Variants in PCDHA7 observed in about 807,000 individuals in gnomAD.
The protein encoded by PCDHA7 is protocadherin alpha-7.
Under a neutral mutation model 57.2 loss-of-function variants are expected in PCDHA7, and 37 were observed. The ratio of observed to expected loss-of-function variants is 0.65; its 90% confidence interval spans 0.50 to 0.85. The LOEUF (loss-of-function observed/expected upper bound fraction) is 0.85. Ranked by LOEUF, PCDHA7 falls within the 40% of genes least tolerant of loss-of-function variation. The probability of loss-of-function intolerance (pLI) is 0.00; values close to 1 mark genes in which losing one functional copy is unlikely to be tolerated. For synonymous variants in PCDHA7, 553 were observed against 558.8 expected (o/e 0.99, Z 0.15); for missense variants, 1,188 against 1,241.8 (o/e 0.96, Z 0.65).
chr5:140,988,862 T>G (rs1554250483), intron 3 of PCDHA7: 2 of 152,218 alleles, frequency 1.3e-5, no homozygotes, highest in Non-Finnish European at 1.5e-5. Flanking sequence ...CAGTCTCATG[T>G]GCACTCAGAT....
chr5:140,882,336 C>T, intron 1 of PCDHA7: 1 of 1,614,162 alleles, frequency 6.2e-7, no homozygotes, highest in Non-Finnish European at 8.5e-7. Flanking sequence ...ATCCTCGCAG[C>T]CTGGGAGACG....
At chr5:140,911,283 A>G (rs906069835) in intron 1 of PCDHA7, among the ~76,000 whole-genome samples, 1 of 152,278 alleles carries the variant, frequency 6.6e-6, no homozygotes, top group Non-Finnish European at 1.5e-5. Context: ...CAGCTTCATC[A>G]GGGTCCTTTT....
chr5:140,882,288 G>C (rs1554173426), intron 1 of PCDHA7: 2 of 1,613,210 alleles, frequency 1.2e-6, no homozygotes, highest in East Asian at 2.2e-5. Flanking sequence ...TCCTGGCAAG[G>C]AGGCCCAAGA....
rs183786609 is a variant in PCDHA7, at chr5:140,896,576, C to T, written c.2355+59838C>T. ...ATTTTAAGTAGAGATGGGGTTTTGA[C>T]GTGTTGGCCAGGCTGGTCTCGAACT... On this transcript the variant is annotated intron_variant, in intron 1 of 3. Transcript: ENST00000525929. Among the ~76,000 whole-genome samples the T allele has an allele frequency of 3.4e-4, 51 of 151,254 alleles. No individual in the cohort carries two copies. The East Asian group carries it at 4.9e-3, about 14-fold the overall frequency.
At chr5:140,941,198 TCTTC>T (rs202127003) in intron 1 of PCDHA7, among the ~76,000 whole-genome samples, 9,614 of 119,776 alleles carry the variant, frequency 0.08, 511 homozygotes, top group Non-Finnish European at 0.089. Context: ...TTTTTTTCTT[TCTTC>T]CTTTCTTTCT....
chr5:140,839,494 A>T (rs1776252585), intron 1 of PCDHA7, among the ~76,000 whole-genome samples: 1 of 151,886 alleles, frequency 6.6e-6, no homozygotes, highest in Non-Finnish European at 1.5e-5. Flanking sequence ...GGCTCAAGTG[A>T]TCTTCCTACC....
rs114294981 is a variant in PCDHA7, at chr5:140,997,261, C to T, written c.2504-12366C>T. On this transcript the variant is annotated intron_variant, in intron 3 of 3. Transcript: ENST00000525929. ...CATGTTTACTTTAGGGTTCACTCTT[C>T]CAAATATTTCTTGCATCACTTAACA... Among the ~76,000 whole-genome samples, 265 of 152,266 alleles carry T rather than the reference C, an allele frequency of 1.7e-3. 1 individual carries two copies. The highest frequency in any genetic ancestry group is 6.2e-3 in the African/African-American group (257 of 41,540).
Position 140,892,378 on chromosome 5 carries a change from A to G in PCDHA7, c.2355+55640A>G, listed in dbSNP as rs13360703. 4.7e-3 allele frequency among the ~76,000 whole-genome samples: 722 copies of G among 152,344 alleles called. 7 individuals are homozygous for G. Among genetic ancestry groups the G allele is most frequent in the African/African-American group, 0.016 (672 of 41,584 alleles). On this transcript the variant is annotated intron_variant, in intron 1 of 3. Coordinates refer to ENST00000525929, the MANE Select transcript of PCDHA7 (RefSeq NM_018910.3). Reference sequence around the variant, plus strand: ...CAGGCATCTTGGGGCACTAGCAATCATGGGTAATCTTAATCTATTTCAAGC... The same window carrying G: ...CAGGCATCTTGGGGCACTAGCAATCGTGGGTAATCTTAATCTATTTCAAGC...
intron 1 of PCDHA7, chr5:140,857,488 C>T: frequency 6.3e-7 from 1 of 1,598,442 alleles, no homozygotes; most frequent in Non-Finnish European, 8.6e-7. Flanking sequence ...CTGCGTGGGA[C>T]GCGGACGCGC....
rs155802 is a variant in PCDHA7, at chr5:140,917,330, A to C, written c.2356-61619A>C. 5.0e-3 allele frequency among the ~76,000 whole-genome samples: 514 copies of C among 103,230 alleles called. 31 individuals carry two copies. The highest frequency in any genetic ancestry group is 8.4e-3 in the Non-Finnish European group (403 of 48,222). The allele number at this position is 103,230 out of a possible 152,430, so 67.7% of individuals were successfully genotyped here. A position where few individuals can be genotyped will look rare whatever the true frequency, so the allele number is the denominator to read the frequency against. On this transcript the variant is annotated intron_variant, in intron 1 of 3. Coordinates refer to ENST00000525929, the MANE Select transcript of PCDHA7 (RefSeq NM_018910.3). ...CAATTTGGTGTTCATGTGGCGGGGG[A>C]GGGGGGGGATGGTGTAGGCTTCTGT...
At chr5:140,957,289 C>T (rs1235564629) in intron 1 of PCDHA7, among the ~76,000 whole-genome samples, 1 of 152,162 alleles carries the variant, frequency 6.6e-6, no homozygotes, top group Non-Finnish European at 1.5e-5. Context: ...CCTGCAGTTT[C>T]ACTCTGAGCA....
rs1310704954 is a variant in PCDHA7, at chr5:141,010,062, A to C, written c.*125A>C. 1.2e-6 allele frequency: 2 copies of C among 1,602,540 alleles called. No homozygotes were observed. The highest frequency in any genetic ancestry group is 1.7e-6 in the Non-Finnish European group (2 of 1,174,354). Reference sequence around the variant, plus strand: ...CCTCTTAGAGACCTCAGAAATCTGCAGAAAGTTCCCTGTGTCTGTCTAGAA... The same window carrying C: ...CCTCTTAGAGACCTCAGAAATCTGCCGAAAGTTCCCTGTGTCTGTCTAGAA... On this transcript the variant is annotated 3_prime_UTR_variant, in exon 4 of 4. Transcript: ENST00000525929.
At chr5:140,921,943 T>C (rs2080514176) in intron 1 of PCDHA7, among the ~76,000 whole-genome samples, 1 of 151,972 alleles carries the variant, frequency 6.6e-6, no homozygotes, top group South Asian at 2.1e-4. Context: ...AATTTTACAC[T>C]TGTAAAATCC....
At chr5:140,858,375 C>T (rs1252920038) in intron 1 of PCDHA7, 4 of 1,587,834 alleles carry the variant, frequency 2.5e-6, no homozygotes, top group Non-Finnish European at 3.4e-6. Flanking sequence ...AGCCTTCCAC[C>T]ATGCCCAATG....
At chr5:140,882,887 G>A (rs781927732) in intron 1 of PCDHA7, 43 of 1,614,050 alleles carry the variant, frequency 2.7e-5, no homozygotes, top group Non-Finnish European at 3.6e-5. Context: ...GGAAATTCAG[G>A]AACATAGTTT....
In PCDHA7 at chr5:140,844,489, A is replaced by G. The variant is rs914075659; in HGVS notation, c.2355+7751A>G. The stretch of plus-strand genomic sequence containing the variant: ...TTTTTTGAGCCTCTATGTTTAGGAA[A>G]TGATTACTTTATTCTTGCAAGTATC... On this transcript the variant is annotated intron_variant, in intron 1 of 3. Coordinates refer to ENST00000525929, the MANE Select transcript of PCDHA7 (RefSeq NM_018910.3). Among the ~76,000 whole-genome samples, 7 of 149,414 alleles carry G rather than the reference A, an allele frequency of 4.7e-5. No individual in the cohort carries two copies. In the South Asian group the frequency reaches 1.5e-3, roughly 32 times the overall value.
intron 1 of PCDHA7, chr5:140,877,110 C>A (rs1554169339): frequency 1.1e-5 from 18 of 1,613,500 alleles, no homozygotes; most frequent in Middle Eastern, 1.7e-4. Flanking sequence ...CGCCTCTGGG[C>A]AGCAACGTGA....
rs141944056 is a variant in PCDHA7, at chr5:140,857,401, G to A, written c.2355+20663G>A. ...AGGTGGCCGACGTGAACGACAACGCGCCTGCGTTCGCGCAGTCCGAGTACA... is the reference window on the plus strand; with the variant it reads ...AGGTGGCCGACGTGAACGACAACGCACCTGCGTTCGCGCAGTCCGAGTACA... On this transcript the variant is annotated intron_variant, in intron 1 of 3. Transcript: ENST00000525929. The A allele has an allele frequency of 3.2e-3, 5,155 of 1,598,156 alleles. 411 individuals are homozygous for A. The African/African-American group carries it at 0.057, about 18-fold the overall frequency.
intron 1 of PCDHA7, among the ~76,000 whole-genome samples, chr5:140,923,952 C>T (rs1313695833): frequency 5.9e-5 from 9 of 152,178 alleles, no homozygotes; most frequent in Non-Finnish European, 1.0e-4. Context: ...TTTCCTCACG[C>T]CCTAATCTAT....
Sources: gnomAD v4.1 joint callset for allele counts (sites outside exome capture counted in the v4.1 genomes callset) on GRCh38, gnomAD v4.1.1 for gene constraint, MANE v1.5 for transcripts, NCBI Gene and HGNC (gene_info 2026-07-23, HGNC 2026-07-21) for gene names.